Variants in LAMA2 observed in about 807,000 individuals in gnomAD.
The protein encoded by LAMA2 is laminin subunit alpha-2.
Under a neutral mutation model 364.8 loss-of-function variants are expected in LAMA2, and 269 were observed. The observed-to-expected ratio is 0.74, with a 90% CI of 0.67 to 0.82. The LOEUF (loss-of-function observed/expected upper bound fraction) is 0.82. Ranked by LOEUF, LAMA2 falls within the 40% of genes least tolerant of loss-of-function variation. The pLI is 0.00. For synonymous variants in LAMA2, 1,379 were observed against 1,370.6 expected (o/e 1.01, Z -0.14); for missense variants, 3,807 against 3,873.2 (o/e 0.98, Z 0.45).
intron 12 of LAMA2, among the ~76,000 whole-genome samples, chr6:129,223,132 C>A (rs546280867): frequency 3.2e-4 from 48 of 152,170 alleles, no homozygotes; most frequent in Non-Finnish European, 5.0e-4. Context: ...CTGGCTGCAT[C>A]AGTGTCTTCT....
chr6:129,068,391 G>A (rs900725740), intron 3 of LAMA2, among the ~76,000 whole-genome samples: 8 of 152,146 alleles, frequency 5.3e-5, no homozygotes, highest in African/African-American at 1.7e-4. Context: ...GAGGCTTGAC[G>A]TCCAAGATCA....
At chr6:129,273,768 A>G (rs1788102703) in intron 17 of LAMA2, among the ~76,000 whole-genome samples, 1 of 152,110 alleles carries the variant, frequency 6.6e-6, no homozygotes, top group Non-Finnish European at 1.5e-5. Context: ...CTAATTTGGT[A>G]TAATTACGTT....
intron 1 of LAMA2, among the ~76,000 whole-genome samples, chr6:128,957,476 G>A (rs1408325677): frequency 1.3e-5 from 2 of 151,960 alleles, no homozygotes; most frequent in Non-Finnish European, 1.5e-5. Flanking sequence ...GGCTGAAATA[G>A]TTATCTTTTA....
intron 12 of LAMA2, among the ~76,000 whole-genome samples, 155 bp downstream of exon 12, chr6:129,193,008 C>T (rs1042059881): frequency 1.3e-5 from 2 of 152,174 alleles, no homozygotes; most frequent in Non-Finnish European, 2.9e-5. Flanking sequence ...GCGTTTCTTC[C>T]ATGTTGCACA....
In LAMA2 at chr6:129,065,694, A is replaced by G. The variant is rs558232100; in HGVS notation, c.396+5798A>G. The stretch of plus-strand genomic sequence containing the variant: ...AATAAAAAATTTGGTAATAAATTTA[A>G]CCAAGAGGATTGCTATGATTTGGCT... On this transcript the variant is annotated intron_variant, in intron 3 of 64. Coordinates refer to ENST00000421865, the MANE Select transcript of LAMA2 (RefSeq NM_000426.4). 4.6e-5 allele frequency among the ~76,000 whole-genome samples: 7 copies of G among 152,334 alleles called. No homozygotes were observed. The South Asian group carries it at 1.5e-3, about 32-fold the overall frequency.
chr6:129,366,216 C>T lies in LAMA2; in HGVS notation c.4718-3C>T, dbSNP rs1467609283. The T allele has an allele frequency of 1.2e-6, 2 of 1,613,102 alleles. No homozygotes were observed. The highest frequency in any genetic ancestry group is 1.7e-5 in the Admixed American group (1 of 59,884). On this transcript the variant is annotated splice_polypyrimidine_tract_variant and splice_region_variant and intron_variant, in intron 32 of 64. Transcript: ENST00000421865. ...ACTACTCTTTGTCACTTCTCTTTCA[C>T]AGTTTGTGGAGATGAGTGCACTGGC...
intron 1 of LAMA2, among the ~76,000 whole-genome samples, chr6:128,931,663 A>G (rs1476476421): frequency 6.6e-6 from 1 of 152,334 alleles, no homozygotes; most frequent in South Asian, 2.1e-4. Context: ...AGGCAAGAAC[A>G]TGTCTAGTCA....
intron 17 of LAMA2, among the ~76,000 whole-genome samples, chr6:129,274,684 CTATT>C (rs1788179709): frequency 6.6e-6 from 1 of 151,882 alleles, no homozygotes; most frequent in African/African-American, 2.4e-5. Flanking sequence ...ACTTCATCAA[CTATT>C]TATGGTGATC....
intron 2 of LAMA2, among the ~76,000 whole-genome samples, chr6:129,059,478 T>C (rs111248945): frequency 2.6e-5 from 4 of 152,198 alleles, no homozygotes; most frequent in African/African-American, 9.6e-5. Flanking sequence ...CATTATATCT[T>C]TACACTTAAT....
intron 22 of LAMA2, among the ~76,000 whole-genome samples, chr6:129,305,420 G>A (rs529061972): frequency 1.3e-5 from 2 of 151,908 alleles, no homozygotes; most frequent in African/African-American, 4.8e-5. Context: ...CACCTTCTGG[G>A]CTCAAGAAAT....
chr6:129,029,697 TTG>T (rs1411854857), intron 1 of LAMA2, among the ~76,000 whole-genome samples: 1 of 151,996 alleles, frequency 6.6e-6, no homozygotes, highest in Non-Finnish European at 1.5e-5. Flanking sequence ...AATATATGAA[TTG>T]TGAGATAAAC....
chr6:129,082,618 T>C (rs967824696), intron 3 of LAMA2, among the ~76,000 whole-genome samples: 2 of 152,130 alleles, frequency 1.3e-5, no homozygotes, highest in African/African-American at 2.4e-5. Flanking sequence ...TTCACAGTCC[T>C]TTTTAAATTT....
chr6:129,179,516 A>G (rs1780805678), intron 10 of LAMA2, among the ~76,000 whole-genome samples: 1 of 152,156 alleles, frequency 6.6e-6, no homozygotes, highest in Non-Finnish European at 1.5e-5. Context: ...CAGGGCTCCA[A>G]GGGAAAGCCC....
At chr6:128,951,428 G>A (rs1365220784) in intron 1 of LAMA2, among the ~76,000 whole-genome samples, 1 of 152,048 alleles carries the variant, frequency 6.6e-6, no homozygotes, top group East Asian at 1.9e-4. Flanking sequence ...TTCAATATTG[G>A]AGCATGGGGA....
At chr6:129,403,983 C>T in intron 40 of LAMA2, 24 bp downstream of exon 40, 3 of 1,613,070 alleles carry the variant, frequency 1.9e-6, no homozygotes, top group Non-Finnish European at 2.5e-6. Context: ...GGCACATGTG[C>T]TGGGAATGGA....
intron 9 of LAMA2, among the ~76,000 whole-genome samples, chr6:129,167,515 T>A (rs1452730105): frequency 2.0e-5 from 3 of 152,092 alleles, no homozygotes; most frequent in Non-Finnish European, 1.5e-5. Flanking sequence ...GGCTGCATAG[T>A]ATTCCATGGT....
At position 129,440,950 on chromosome 6, in the gene LAMA2, G is replaced by A; in HGVS notation, c.6220G>A (p.Asp2074Asn). 1.2e-6 allele frequency: 2 copies of A among 1,613,940 alleles called. No homozygotes were observed. Among genetic ancestry groups the A allele is most frequent in the Non-Finnish European group, 1.7e-6 (2 of 1,179,888 alleles). Residue 2074 changes from aspartate (D) to asparagine (N), a missense_variant, in exon 43 of 65, where the codon GAC becomes AAC. Around this residue, in one of 3 missense-constraint regions of LAMA2, gnomAD observed 3,333 missense variants for 3,345.7 expected, o/e 1.00. Coordinates refer to ENST00000421865, the MANE Select transcript of LAMA2 (RefSeq NM_000426.4). ...GAAGAAGAATTACAATAAACTAGCAGACAGCGTCGCCAAAACGAATGCTGT... is the reference window on the plus strand; with the variant it reads ...GAAGAAGAATTACAATAAACTAGCAAACAGCGTCGCCAAAACGAATGCTGT... ...GLKKNYNKLA[D>N]SVAKTNAVVK...
At chr6:129,410,574 T>G (rs1036719529) in intron 40 of LAMA2, among the ~76,000 whole-genome samples, 6 of 152,192 alleles carry the variant, frequency 3.9e-5, no homozygotes, top group African/African-American at 1.4e-4. Context: ...TTTATACTGG[T>G]TGTATTAGGG....
intron 10 of LAMA2, among the ~76,000 whole-genome samples, chr6:129,184,951 G>A (rs1340682573): frequency 2.6e-5 from 4 of 151,902 alleles, no homozygotes; most frequent in Non-Finnish European, 5.9e-5. Context: ...TGTTTTAGGA[G>A]TAAGTCCTCA....
Sources: allele counts gnomAD v4.1 joint callset (sites outside exome capture counted in the v4.1 genomes callset), GRCh38; gene constraint gnomAD v4.1.1; regional missense constraint gnomAD v4.1.1; transcripts MANE v1.5; gene names NCBI Gene and HGNC (gene_info 2026-07-23, HGNC 2026-07-21).